PPP6R2: variants seen among roughly 807,000 people sequenced by gnomAD.
The protein encoded by PPP6R2 is serine/threonine-protein phosphatase 6 regulatory subunit 2.
Under a neutral mutation model 100.2 loss-of-function variants are expected in PPP6R2, and 62 were observed. That is an observed-to-expected ratio of 0.62 (90% confidence interval 0.50 to 0.76). The LOEUF (loss-of-function observed/expected upper bound fraction) is 0.76, where lower values mean the gene tolerates loss of function less well. PPP6R2 is among the 30% of genes least tolerant of loss of function. The probability of loss-of-function intolerance (pLI) is 0.00; values close to 1 mark genes in which losing one functional copy is unlikely to be tolerated. For synonymous variants in PPP6R2, 525 were observed against 514.7 expected (o/e 1.02, Z -0.27); for missense variants, 1,142 against 1,276.3 (o/e 0.89, Z 1.60).
chr22:50,442,452 C>T (rs781378175), intron 22 of PPP6R2, among the ~76,000 whole-genome samples: 5 of 152,200 alleles, frequency 3.3e-5, no homozygotes, highest in Admixed American at 6.5e-5. Flanking sequence ...TTCCCGATGC[C>T]GGCAGTCACT....
rs752773091 is a variant in PPP6R2, at chr22:50,438,250, G to C, written c.1916G>C (p.Trp639Ser). The C allele has an allele frequency of 6.2e-7, 1 of 1,613,908 alleles. No homozygotes were observed. The highest frequency in any genetic ancestry group is 1.7e-5 in the Admixed American group (1 of 60,012). ...GATGATGATGAGGACGAGGACATCTGGGAGGACAGTGACACTCGCTGTGCT... is the reference window on the plus strand; with the variant it reads ...GATGATGATGAGGACGAGGACATCTCGGAGGACAGTGACACTCGCTGTGCT... The part of the protein sequence containing the change: ...PFDDDEDEDI[W>S]EDSDTRCAAR... The change falls in exon 18 of 24, where the codon TGG becomes TCG. Residue 639 changes from tryptophan (W) to serine (S), a missense_variant. Transcript: ENST00000612753.
chr22:50,354,398 T>C (rs927882366), intron 1 of PPP6R2, among the ~76,000 whole-genome samples: 1 of 152,184 alleles, frequency 6.6e-6, no homozygotes, highest in Non-Finnish European at 1.5e-5. Context: ...GCTTCCCCAA[T>C]AAGGAATCTG....
chr22:50,426,928 C>CCTG (rs1454814660), intron 10 of PPP6R2, among the ~76,000 whole-genome samples: 4 of 151,302 alleles, frequency 2.6e-5, no homozygotes, highest in Admixed American at 1.3e-4. Context: ...GTGGCTCATG[C>CCTG]CTGTAATCCC....
chr22:50,399,099 T>C (rs1230742355), intron 3 of PPP6R2, among the ~76,000 whole-genome samples: 1 of 151,510 alleles, frequency 6.6e-6, no homozygotes, highest in Non-Finnish European at 1.5e-5. Context: ...TACAAAGAAT[T>C]AGCCAGGCGT....
Position 50,435,097 on chromosome 22 carries a change from G to A in PPP6R2, c.1516+16G>A, listed in dbSNP as rs373296667. 1.3e-5 allele frequency: 19 copies of A among 1,514,292 alleles called. No individual in the cohort carries two copies. The highest frequency in any genetic ancestry group is 2.4e-4 in the Middle Eastern group (1 of 4,104). 93.8% of individuals were successfully genotyped at this position (1,514,292 alleles called of 1,614,324 possible). On this transcript the variant is annotated intron_variant, in intron 13 of 23. Coordinates refer to ENST00000612753, the MANE Select transcript of PPP6R2 (RefSeq NM_001242898.2). ...GTCATCCGAGGTGAGCCCCCAACCCGGTCATCCTTCTGCTGGTCGCGGGCA... is the reference window on the plus strand; with the variant it reads ...GTCATCCGAGGTGAGCCCCCAACCCAGTCATCCTTCTGCTGGTCGCGGGCA...
chr22:50,346,514 C>T (rs1279704971), intron 1 of PPP6R2, among the ~76,000 whole-genome samples: 3 of 135,140 alleles, frequency 2.2e-5, no homozygotes, highest in Non-Finnish European at 4.8e-5. Context: ...TCAGTGCCCC[C>T]CCAGTCAGTG....
chr22:50,333,966 G>T, the PPP6R2 span, among the ~76,000 whole-genome samples: 132 of 152,348 alleles, frequency 8.7e-4, no homozygotes, highest in Middle Eastern at 0.01. Context: ...GGTAGCCAAG[G>T]TGGAGAGAGA....
chr22:50,436,504 G>A (rs770072314), intron 14 of PPP6R2, 52 bp downstream of exon 14: 38 of 1,519,822 alleles, frequency 2.5e-5, no homozygotes, highest in African/African-American at 2.3e-4. Context: ...CTGGGACGCC[G>A]TCAGACGCTC....
intron 2 of PPP6R2, among the ~76,000 whole-genome samples, chr22:50,379,045 T>C (rs1427819845): frequency 6.6e-6 from 1 of 152,176 alleles, no homozygotes; most frequent in Non-Finnish European, 1.5e-5. Context: ...AATTAGGTCC[T>C]CATCACACAC....
chr22:50,356,806 G>C (rs1163969528), intron 1 of PPP6R2, among the ~76,000 whole-genome samples: 1 of 151,870 alleles, frequency 6.6e-6, no homozygotes, highest in Admixed American at 6.6e-5. Context: ...ATGGTGGCCG[G>C]CGCCATAATC....
intron 1 of PPP6R2, among the ~76,000 whole-genome samples, chr22:50,347,525 G>A (rs1051985656): frequency 2.7e-5 from 4 of 150,940 alleles, no homozygotes; most frequent in Non-Finnish European, 4.4e-5. Context: ...CCCATGCACC[G>A]TACTGTCCCC....
intron 8 of PPP6R2, among the ~76,000 whole-genome samples, chr22:50,419,824 T>C (rs1013573316): frequency 9.9e-5 from 15 of 152,224 alleles, no homozygotes; most frequent in African/African-American, 3.6e-4. Context: ...TCCACTCTGA[T>C]GCATGGTTAC....
Position 50,423,426 on chromosome 22 carries a change from C to G in PPP6R2, c.973-36C>G, listed in dbSNP as rs1223694487. 6.2e-7 allele frequency: 1 copy of G among 1,612,804 alleles called. No individual in the cohort carries two copies. Among genetic ancestry groups the G allele is most frequent in the African/African-American group, 1.3e-5 (1 of 75,036 alleles). On this transcript the variant is annotated intron_variant, in intron 9 of 23. Transcript: ENST00000612753. This position sits in a 1 kb window ranked among gnomAD's most constrained non-coding sequence, Gnocchi z 4.8. ...ACTCCAGCAGTGGCCTCACTGCTCACAGGGCCTAACTGGGTGGTGCCTTCT... is the reference window on the plus strand; with the variant it reads ...ACTCCAGCAGTGGCCTCACTGCTCAGAGGGCCTAACTGGGTGGTGCCTTCT...
At chr22:50,406,931 G>A (rs1327729998) in intron 4 of PPP6R2, 56 bp downstream of exon 4, 10 of 1,524,056 alleles carry the variant, frequency 6.6e-6, no homozygotes, top group Middle Eastern at 1.9e-4. Context: ...GGATGCTGAC[G>A]TGTCCTGCTG....
chr22:50,369,754 C>T (rs1460919002), intron 1 of PPP6R2, among the ~76,000 whole-genome samples: 1 of 152,054 alleles, frequency 6.6e-6, no homozygotes, highest in Non-Finnish European at 1.5e-5. Context: ...TGATCACCCA[C>T]CTCGGCCTCC....
At chr22:50,338,619 G>A (rs909322264), upstream of PPP6R2, among the ~76,000 whole-genome samples, 27 of 144,326 alleles carry the variant, frequency 1.9e-4, no homozygotes, top group African/African-American at 6.5e-4. Context: ...TATGTAGTAT[G>A]TGTGGTATAT....
At position 50,423,998 on chromosome 22, in the gene PPP6R2, T is replaced by C. The variant is rs1603352673; in HGVS notation, c.1125+384T>C. Among the ~76,000 whole-genome samples the C allele has an allele frequency of 1.3e-5, 2 of 152,224 alleles. No homozygotes were observed. The highest frequency in any genetic ancestry group is 4.1e-4 in the South Asian group (2 of 4,834). ...AAAGAGAAGCTCCTGTCGTCCACAG[T>C]AGAAGGCCAACCTGGCAGTTTTTGT... is the stretch of plus-strand genomic sequence containing the variant. On this transcript the variant is annotated intron_variant, in intron 10 of 23. Transcript: ENST00000612753. The surrounding 1 kb of genome is among the most constrained non-coding windows in gnomAD (Gnocchi z 4.8).
In PPP6R2 at chr22:50,443,908, C is replaced by T. The variant is rs777766683; in HGVS notation, c.2622C>T (p.Pro874=). 7.0e-5 allele frequency: 111 copies of T among 1,592,960 alleles called. 2 individuals are homozygous for T. Among genetic ancestry groups the T allele is most frequent in the Admixed American group, 2.1e-4 (12 of 57,452 alleles). The change falls in exon 23 of 24, where the codon CCC becomes CCT. Residue 874 remains proline, a synonymous_variant. Transcript: ENST00000612753. The stretch of plus-strand genomic sequence containing the variant: ...GCCGGCTGTTAAGCCCTGCCTGCCC[C>T]GCGCCAAAGGAAGTGACTGCTGCCC... ...ADSRLLSPAC[P]APKEVTAAPA...
chr22:50,390,061 G>T (rs550329785), intron 2 of PPP6R2, among the ~76,000 whole-genome samples: 2 of 146,398 alleles, frequency 1.4e-5, no homozygotes, highest in African/African-American at 5.1e-5. Context: ...GTGTGATATC[G>T]GCTTACTACA....
Sources: allele counts gnomAD v4.1 joint callset (sites outside exome capture counted in the v4.1 genomes callset), GRCh38; gene constraint gnomAD v4.1.1; non-coding constraint Gnocchi (gnomAD v3.1); transcripts MANE v1.5; gene names NCBI Gene and HGNC (gene_info 2026-07-23, HGNC 2026-07-21).